TRHDE: variants seen among roughly 807,000 people sequenced by gnomAD.
TRHDE encodes the protein thyrotropin releasing hormone degrading enzyme.
TRHDE carries 72 observed loss-of-function variants against 125.7 expected under a neutral mutation model. The ratio of observed to expected loss-of-function variants is 0.57; its 90% CI spans 0.47 to 0.70. TRHDE has a LOEUF of 0.70. Among genes scored for constraint, TRHDE ranks in the 30% least tolerant of loss-of-function variants. The pLI, the probability that TRHDE is intolerant of heterozygous loss-of-function variation, is 0.00. For missense variants in TRHDE, 1,110 were observed against 1,327.1 expected (o/e 0.84, Z 2.54); for synonymous variants, 509 against 509.1 (o/e 1.00, Z 0.00).
chr12:72,645,107 A>T (rs192631898), intron 15 of TRHDE, among the ~76,000 whole-genome samples: 2 of 152,334 alleles, frequency 1.3e-5, no homozygotes, highest in Admixed American at 1.3e-4. Context: ...AATCTAGGAA[A>T]GATGTCCCAA....
At chr12:72,657,096 T>G in intron 18 of TRHDE, 88 bp downstream of exon 18, 1 of 823,808 alleles carries the variant, frequency 1.2e-6, no homozygotes. Flanking sequence ...TCCAACAGAT[T>G]CACATCCATT....
At chr12:72,139,557 G>A (rs1157124415) in intron 2 of TRHDE, among the ~76,000 whole-genome samples, 1 of 152,104 alleles carries the variant, frequency 6.6e-6, no homozygotes, top group Non-Finnish European at 1.5e-5. Context: ...AGCCAAAGCA[G>A]GAGATTTAAT....
chr12:72,585,367 A>G (rs996306151), intron 12 of TRHDE, among the ~76,000 whole-genome samples: 1 of 152,218 alleles, frequency 6.6e-6, no homozygotes, highest in African/African-American at 2.4e-5. Flanking sequence ...TCTATGAAAT[A>G]ACTGACAATA....
intron 3 of TRHDE, among the ~76,000 whole-genome samples, chr12:72,430,383 G>GTA (rs574139903): frequency 1.5e-5 from 2 of 136,444 alleles, no homozygotes; most frequent in African/African-American, 2.8e-5. Flanking sequence ...ATATATACAT[G>GTA]TATATATATA....
chr12:72,451,810 T>C (rs1261480875), intron 3 of TRHDE, among the ~76,000 whole-genome samples: 2 of 152,156 alleles, frequency 1.3e-5, no homozygotes, highest in East Asian at 3.8e-4. Context: ...TTTTCTTTTC[T>C]TTTTTCTTTC....
intron 15 of TRHDE, among the ~76,000 whole-genome samples, chr12:72,641,905 A>AC (rs1442338193): frequency 2.0e-5 from 3 of 151,884 alleles, no homozygotes; most frequent in African/African-American, 7.2e-5. Context: ...TGAAATCCTA[A>AC]CCCCCAATAT....
In TRHDE at chr12:72,620,899, C is replaced by T. The variant is rs1388392728; in HGVS notation, c.2470-209C>T. On this transcript the variant is annotated intron_variant, in intron 13 of 18. Coordinates refer to ENST00000261180, the MANE Select transcript of TRHDE (RefSeq NM_013381.3). Reference sequence around the variant, plus strand: ...ATTTAATAGGAAGAGTAGACTTGTACCATTCCAATAGCATTTTATCCCTCT... The same window carrying T: ...ATTTAATAGGAAGAGTAGACTTGTATCATTCCAATAGCATTTTATCCCTCT... Among the ~76,000 whole-genome samples, 12 of 152,018 alleles carry T rather than the reference C, an allele frequency of 7.9e-5. No homozygotes were observed. In the East Asian group the frequency reaches 2.1e-3, roughly 27 times the overall value.
intron 2 of TRHDE, among the ~76,000 whole-genome samples, chr12:72,372,891 A>G (rs1358989177): frequency 6.6e-6 from 1 of 152,158 alleles, no homozygotes; most frequent in Admixed American, 6.5e-5. Flanking sequence ...TTGGTTCCCT[A>G]TGAACTTTAA....
At chr12:72,492,432 A>G (rs183610624) in intron 5 of TRHDE, among the ~76,000 whole-genome samples, 2,331 of 152,082 alleles carry the variant, frequency 0.015, 19 homozygotes, top group Non-Finnish European at 0.025. Context: ...AGGAAATTTG[A>G]AGTCTACATA....
intron 5 of TRHDE, among the ~76,000 whole-genome samples, chr12:72,491,118 A>G (rs1284989733): frequency 6.6e-6 from 1 of 151,868 alleles, no homozygotes; most frequent in African/African-American, 2.4e-5. Flanking sequence ...ACACAATAAT[A>G]TTTATTAAAA....
intron 5 of TRHDE, among the ~76,000 whole-genome samples, chr12:72,486,764 C>A (rs952072731): frequency 6.6e-5 from 10 of 152,160 alleles, no homozygotes; most frequent in Admixed American, 3.9e-4. Flanking sequence ...AGCAAGGAAA[C>A]CTGACTCTAT....
chr12:72,355,203 T>C (rs1415216146), intron 2 of TRHDE, among the ~76,000 whole-genome samples: 2 of 151,562 alleles, frequency 1.3e-5, no homozygotes, highest in African/African-American at 2.4e-5. Flanking sequence ...TGACCTATAT[T>C]TGGGTTCCAA....
intron 2 of TRHDE, among the ~76,000 whole-genome samples, chr12:72,296,408 GGAACT>G (rs1296879775): frequency 3.3e-5 from 5 of 152,216 alleles, no homozygotes; most frequent in Non-Finnish European, 5.9e-5. Context: ...CACTAAACAG[GGAACT>G]GAATCCAGTG....
intron 3 of TRHDE, among the ~76,000 whole-genome samples, chr12:72,437,545 CTTA>C (rs1874801089): frequency 6.6e-6 from 1 of 151,752 alleles, no homozygotes; most frequent in Non-Finnish European, 1.5e-5. Flanking sequence ...TCATTTTCAG[CTTA>C]TTATGTGGTT....
At chr12:72,582,379 C>T (rs1312327163) in intron 12 of TRHDE, 8 of 984,916 alleles carry the variant, frequency 8.1e-6, no homozygotes, top group Admixed American at 1.2e-4. Flanking sequence ...ATGGAAACAG[C>T]ATTGTTAAAA....
At chr12:72,546,666 A>G (rs1869435604) in intron 7 of TRHDE, among the ~76,000 whole-genome samples, 1 of 151,654 alleles carries the variant, frequency 6.6e-6, no homozygotes, top group East Asian at 1.9e-4. Context: ...ACCCTTAGTA[A>G]TATTTCAAGC....
rs1363635217 is a variant in TRHDE at position 72,582,560 on chromosome 12, ATAG to A, written c.2321+7024_2321+7026del. Reference sequence around the variant, plus strand: ...ATCATTTTTTCACTTATTGCAGTAAATAGTAGTATAATGTGCCTGAAAAGCAAG... The same window carrying A: ...ATCATTTTTTCACTTATTGCAGTAAATAGTATAATGTGCCTGAAAAGCAAG... On this transcript the variant is annotated intron_variant, in intron 12 of 18. Transcript: ENST00000261180. The A allele has an allele frequency of 5.1e-6, 5 of 985,248 alleles. No homozygotes were observed. The East Asian group carries it at 4.5e-4, about 89-fold the overall frequency. 61.0% of individuals were successfully genotyped at this position (985,248 alleles called of 1,614,324 possible).
At chr12:72,660,316 G>C (rs1216661394) in intron 18 of TRHDE, among the ~76,000 whole-genome samples, 5 of 152,214 alleles carry the variant, frequency 3.3e-5, no homozygotes, top group African/African-American at 1.2e-4. Flanking sequence ...CAGCACCACA[G>C]GGAGGGGTTT....
intron 6 of TRHDE, among the ~76,000 whole-genome samples, chr12:72,506,161 A>C (rs143426796): frequency 3.9e-5 from 6 of 152,166 alleles, no homozygotes; most frequent in African/African-American, 1.4e-4. Flanking sequence ...TTTTTTTTAA[A>C]TTAGCTAGGC....
Sources: gnomAD v4.1 joint callset for allele counts (sites outside exome capture counted in the v4.1 genomes callset) on GRCh38, gnomAD v4.1.1 for gene constraint, MANE v1.5 for transcripts, NCBI Gene and HGNC (gene_info 2026-07-23, HGNC 2026-07-21) for gene names.